The following KCTD14 variants were observed in gnomAD, a reference collection of about 807,000 sequenced individuals.
KCTD14 encodes potassium channel tetramerization domain containing 14, also known as BTB/POZ domain-containing protein KCTD14.
A neutral mutation model predicts 5.9 loss-of-function variants in KCTD14; 7 were observed. The observed-to-expected ratio is 1.19, with a 90% CI of 0.68 to 2.23. KCTD14 has a LOEUF of 2.23. Ranked by LOEUF, KCTD14 falls within the 30% of genes most tolerant of loss-of-function variation. KCTD14 has a pLI of 0.00. For synonymous variants in KCTD14, 140 were observed against 133.1 expected (o/e 1.05, Z -0.36); for missense variants, 342 against 332.2 (o/e 1.03, Z -0.23).
intron 1 of KCTD14, 139 bp downstream of exon 1, chr11:78,023,021 G>A (rs1857346721): frequency 1.6e-6 from 1 of 626,182 alleles, no homozygotes; most frequent in Non-Finnish European, 2.8e-6. Flanking sequence ...ACCAGCCCGA[G>A]GTGAAGGGGG....
chr11:78,032,793 C>T (rs1160960009), intron 2 of KCTD14, among the ~76,000 whole-genome samples: 1 of 151,066 alleles, frequency 6.6e-6, no homozygotes, highest in Non-Finnish European at 1.5e-5. Flanking sequence ...CAGCCTCAAC[C>T]TCTCAGGCTC....
chr11:78,046,169 G>A, exon 1 of KCTD14: 1 of 981,580 alleles, frequency 1.0e-6, no homozygotes, highest in Non-Finnish European at 1.2e-6. Flanking sequence ...GGCAGGAGCA[G>A]GAAAGAAAGA....
Position 78,017,006 on chromosome 11 carries a change from C to T in KCTD14, c.355G>A (p.Val119Ile). Residue 119 changes from valine (V) to isoleucine (I), a missense_variant, in exon 2 of 2, where the codon GTC becomes ATC. Val to Ile is a conservative substitution (Grantham distance 29). Coordinates refer to ENST00000353172, the MANE Select transcript of KCTD14 (RefSeq NM_023930.4). ...EAQFYEIKPL[V>I]KLLEDMPQIF... is the part of the protein sequence containing the mutation. Reference sequence around the variant, plus strand: ...TGTGGCATGTCCTCCAGCAGCTTGACCAAAGGCTTGATTTCGTAGAACTGA... The same window carrying T: ...TGTGGCATGTCCTCCAGCAGCTTGATCAAAGGCTTGATTTCGTAGAACTGA... The T allele has an allele frequency of 6.2e-7, 1 of 1,614,206 alleles. No homozygotes were observed. Among genetic ancestry groups the T allele is most frequent in the Non-Finnish European group, 8.5e-7 (1 of 1,180,042 alleles).
chr11:78,041,803 C>A (rs1428389958), intron 1 of KCTD14, among the ~76,000 whole-genome samples: 1 of 152,264 alleles, frequency 6.6e-6, no homozygotes, highest in African/African-American at 2.4e-5. Flanking sequence ...CACTCCCAAT[C>A]GTGCTAAAGG....
intron 1 of KCTD14, 35 bp downstream of exon 1, chr11:78,023,125 C>A (rs1857349789): frequency 7.1e-7 from 1 of 1,399,222 alleles, no homozygotes. Flanking sequence ...AGGCGGAGGA[C>A]AGAGGCGCGG....
At chr11:78,023,075 G>T in intron 1 of KCTD14, 85 bp downstream of exon 1, 3 of 927,556 alleles carry the variant, frequency 3.2e-6, no homozygotes, top group Non-Finnish European at 4.9e-6. Flanking sequence ...GGGAGGGACG[G>T]GCAGGAGAAA....
chr11:78,023,289 G>A (rs771273763), upstream of KCTD14: 47 of 1,593,360 alleles, frequency 2.9e-5, no homozygotes, highest in Non-Finnish European at 3.4e-5. Flanking sequence ...CTGGCTGCCC[G>A]CCCCTAGGTG....
At chr11:78,033,899 G>GTACATATATATATATATATATATA in intron 2 of KCTD14, among the ~76,000 whole-genome samples, 1 of 46,452 alleles carries the variant, frequency 2.2e-5, no homozygotes, top group African/African-American at 5.5e-5. Context: ...ATGTGTGTGT[G>GTACATATATATATATATATATATA]TGTATATATA....
chr11:78,038,482 C>G (rs1013938257), intron 2 of KCTD14, among the ~76,000 whole-genome samples: 1 of 152,232 alleles, frequency 6.6e-6, no homozygotes, highest in African/African-American at 2.4e-5. Flanking sequence ...GACCCAGGAC[C>G]TCTCCCAACT....
At chr11:78,020,920 G>A (rs1857288466) in intron 1 of KCTD14, among the ~76,000 whole-genome samples, 1 of 152,120 alleles carries the variant, frequency 6.6e-6, no homozygotes, top group African/African-American at 2.4e-5. Context: ...AGGCAAAATG[G>A]ACCAAAAGAA....
chr11:78,024,672 AC>A (rs1857403553), upstream of KCTD14, among the ~76,000 whole-genome samples: 2 of 151,928 alleles, frequency 1.3e-5, no homozygotes, highest in Non-Finnish European at 2.9e-5. Context: ...AGGGTTGGAC[AC>A]GGTTGCTCAC....
At chr11:78,039,644 G>A (rs189096716) in intron 1 of KCTD14, among the ~76,000 whole-genome samples, 7 of 152,056 alleles carry the variant, frequency 4.6e-5, no homozygotes, top group African/African-American at 1.7e-4. Flanking sequence ...ATATGTGTCT[G>A]TAGCCCCAGT....
At chr11:78,030,216 G>GA (rs1857577436) in intron 2 of KCTD14, among the ~76,000 whole-genome samples, 1 of 151,966 alleles carries the variant, frequency 6.6e-6, no homozygotes. Context: ...TGCAAAGTAG[G>GA]AAAAAAACTC....
intron 2 of KCTD14, among the ~76,000 whole-genome samples, chr11:78,031,759 G>T (rs1290474963): frequency 7.2e-5 from 11 of 152,168 alleles, no homozygotes; most frequent in Admixed American, 7.2e-4. Context: ...AGGCACTGGG[G>T]AAAGAGCAGT....
chr11:78,016,282 C>T lies in KCTD14; in HGVS notation c.*311G>A, dbSNP rs1373082809. 4 of 389,856 alleles carry T rather than the reference C, an allele frequency of 1.0e-5. No individual in the cohort carries two copies. In the Admixed American group the frequency reaches 1.3e-4, roughly 12 times the overall value. 24.1% of individuals were successfully genotyped at this position (389,856 alleles called of 1,614,324 possible). ...ACAGTATCTTGTATGTTCCTGTTGT[C>T]ATCTCACATCTCTTGCCAACGCATT... On this transcript the variant is annotated 3_prime_UTR_variant, in exon 2 of 2. Transcript: ENST00000353172.
upstream of KCTD14, among the ~76,000 whole-genome samples, chr11:78,024,397 A>AATAT (rs1265061287): frequency 7.6e-6 from 1 of 130,948 alleles, no homozygotes; most frequent in African/African-American, 2.9e-5. Flanking sequence ...AAAAAAAAAA[A>AATAT]ATATATATAT....
chr11:78,024,374 C>A (rs1857387247), upstream of KCTD14, among the ~76,000 whole-genome samples: 1 of 87,758 alleles, frequency 1.1e-5, no homozygotes. Context: ...AACAAAGATT[C>A]CCTCTCAAAA....
intron 1 of KCTD14, among the ~76,000 whole-genome samples, chr11:78,019,215 T>C (rs1429204695): frequency 6.6e-6 from 1 of 152,056 alleles, no homozygotes; most frequent in African/African-American, 2.4e-5. Flanking sequence ...GGTTTCACCA[T>C]GTTGGCCAGG....
At chr11:78,029,479 G>A (rs780550222) in intron 2 of KCTD14, among the ~76,000 whole-genome samples, 10 of 152,288 alleles carry the variant, frequency 6.6e-5, no homozygotes, top group East Asian at 1.9e-4. Context: ...GAGGTCACTG[G>A]TTGGTTCACA....
Sources: allele counts gnomAD v4.1 joint callset (sites outside exome capture counted in the v4.1 genomes callset), GRCh38; gene constraint gnomAD v4.1.1; transcripts MANE v1.5; gene names NCBI Gene and HGNC (gene_info 2026-07-23, HGNC 2026-07-21).